The following FARP1 variants were observed in gnomAD, a reference collection of about 807,000 sequenced individuals.
The protein encoded by FARP1 is FERM, ARH/RhoGEF and pleckstrin domain protein 1, also known as FERM, ARHGEF and pleckstrin domain-containing protein 1.
A neutral mutation model predicts 128.8 loss-of-function variants in FARP1; 52 were observed. The ratio of observed to expected loss-of-function variants is 0.40; its 90% CI spans 0.32 to 0.51. The LOEUF is 0.51. Ranked by LOEUF, FARP1 falls within the 20% of genes least tolerant of loss-of-function variation. The pLI is 0.45. For missense variants in FARP1, 1,333 were observed against 1,367.9 expected (o/e 0.97, Z 0.40); for synonymous variants, 580 against 551.8 (o/e 1.05, Z -0.72).
chr13:98,341,975 A>T (rs1165204561), intron 2 of FARP1, among the ~76,000 whole-genome samples: 7 of 152,252 alleles, frequency 4.6e-5, no homozygotes, highest in Non-Finnish European at 8.8e-5. Flanking sequence ...AACTGGGGAC[A>T]TAGACACATA....
intron 2 of FARP1, among the ~76,000 whole-genome samples, chr13:98,330,214 G>C (rs1172635047): frequency 6.6e-6 from 1 of 152,088 alleles, no homozygotes; most frequent in African/African-American, 2.4e-5. Context: ...ATTTGGATAT[G>C]AGCTCAGGTA....
chr13:98,306,188 G>C (rs1886146982), intron 2 of FARP1, among the ~76,000 whole-genome samples: 1 of 152,220 alleles, frequency 6.6e-6, no homozygotes, highest in African/African-American at 2.4e-5. Flanking sequence ...AGTTTGCATT[G>C]TGTTGTTGGG....
chr13:98,325,353 C>G (rs60805092), intron 2 of FARP1, among the ~76,000 whole-genome samples: 2,178 of 152,200 alleles, frequency 0.014, 57 homozygotes, highest in African/African-American at 0.05. Flanking sequence ...TCACGGCTCT[C>G]TATCTCATAT....
rs1888453569 is a variant in FARP1 at position 98,351,989 on chromosome 13, A to G, written c.276+8123A>G. ...ATATCAGTGGTTAAAGAAAAAATAC[A>G]TAGAAATAATATGTTTCAAAATGGA... On this transcript the variant is annotated intron_variant, in intron 3 of 26. Coordinates refer to ENST00000319562, the MANE Select transcript of FARP1 (RefSeq NM_005766.4). 2.6e-5 allele frequency among the ~76,000 whole-genome samples: 4 copies of G among 152,218 alleles called. No homozygotes were observed. The South Asian group carries it at 6.2e-4, about 24-fold the overall frequency.
intron 2 of FARP1, among the ~76,000 whole-genome samples, chr13:98,260,868 C>G (rs1883845772): frequency 6.6e-6 from 1 of 152,164 alleles, no homozygotes; most frequent in Non-Finnish European, 1.5e-5. Context: ...ATACAAAGGC[C>G]AGGACACAAT....
At chr13:98,325,736 T>A (rs190701393) in intron 2 of FARP1, among the ~76,000 whole-genome samples, 151 of 152,366 alleles carry the variant, frequency 9.9e-4, no homozygotes, top group African/African-American at 3.4e-3. Context: ...TTGTAGCTTG[T>A]CCAGTTTGAT....
intron 2 of FARP1, among the ~76,000 whole-genome samples, chr13:98,238,521 C>T (rs1882573298): frequency 6.6e-6 from 1 of 152,180 alleles, no homozygotes; most frequent in African/African-American, 2.4e-5. Flanking sequence ...CGCAGTTCCA[C>T]ATGGGTGGGG....
chr13:98,256,901 TAAA>T (rs1883616258), intron 2 of FARP1, among the ~76,000 whole-genome samples: 1 of 115,410 alleles, frequency 8.7e-6, no homozygotes, highest in South Asian at 2.9e-4. Context: ...GGAACAATAA[TAAA>T]AAGAATGATA....
rs573456141 is a variant in FARP1, at chr13:98,327,646, A to G, written c.172-16116A>G. ...CTGATAAAGTCTTTCCCTCTTGTCC[A>G]TGGGGGATACATTCCAAGACCCCAG... On this transcript the variant is annotated intron_variant, in intron 2 of 26. Transcript: ENST00000319562. Among the ~76,000 whole-genome samples, 3 of 152,332 alleles carry G rather than the reference A, an allele frequency of 2.0e-5. No homozygotes were observed. The East Asian group carries it at 5.8e-4, about 29-fold the overall frequency.
intron 2 of FARP1, among the ~76,000 whole-genome samples, chr13:98,219,340 ATATT>A (rs1881277634): frequency 6.6e-6 from 1 of 151,618 alleles, no homozygotes; most frequent in Non-Finnish European, 1.5e-5. Flanking sequence ...GTCTTTGTCT[ATATT>A]TATTTATTAA....
chr13:98,176,374 G>C lies in FARP1; in HGVS notation c.-24+32882G>C, dbSNP rs540958770. On this transcript the variant is annotated intron_variant, in intron 1 of 26. Coordinates refer to ENST00000319562, the MANE Select transcript of FARP1 (RefSeq NM_005766.4). This position sits in a 1 kb window ranked among gnomAD's most constrained non-coding sequence, Gnocchi z 6.2. ...TGGCTGGTCACAGATGTAGCAGCGC[G>C]GGGTGGCCCGGAAGTGCTCCAGCGC... 12 of 1,614,200 alleles carry C rather than the reference G, an allele frequency of 7.4e-6. No individual in the cohort carries two copies. The highest frequency in any genetic ancestry group is 4.0e-5 in the African/African-American group (3 of 75,060).
At chr13:98,352,069 T>C (rs912841320) in intron 3 of FARP1, among the ~76,000 whole-genome samples, 1 of 152,036 alleles carries the variant, frequency 6.6e-6, no homozygotes, top group African/African-American at 2.4e-5. Context: ...TTAGATCTTC[T>C]CAAACCCAAG....
chr13:98,287,870 C>T (rs1183763498), intron 2 of FARP1, among the ~76,000 whole-genome samples: 5 of 147,154 alleles, frequency 3.4e-5, no homozygotes, highest in Admixed American at 6.9e-5. Context: ...GGCACGGTCT[C>T]GGCTCACTGC....
At chr13:98,153,549 A>AATATAAATTT (rs1876264383) in intron 1 of FARP1, among the ~76,000 whole-genome samples, 1 of 61,910 alleles carries the variant, frequency 1.6e-5, no homozygotes, top group Non-Finnish European at 3.2e-5. Context: ...AATATGTATA[A>AATATAAATTT]ATATATATTT....
intron 3 of FARP1, among the ~76,000 whole-genome samples, chr13:98,345,885 A>G (rs147689034): frequency 4.1e-4 from 62 of 152,376 alleles, no homozygotes; most frequent in Non-Finnish European, 6.2e-4. Context: ...TTCATATAAC[A>G]GGAAGCCATA....
intron 24 of FARP1, among the ~76,000 whole-genome samples, chr13:98,442,395 G>C (rs1250126598): frequency 6.6e-6 from 1 of 152,184 alleles, no homozygotes; most frequent in Non-Finnish European, 1.5e-5. Flanking sequence ...GCTACAAGCC[G>C]CTTGTTTCTA....
chr13:98,322,615 T>C (rs1333021805), intron 2 of FARP1, among the ~76,000 whole-genome samples: 1 of 152,160 alleles, frequency 6.6e-6, no homozygotes, highest in Non-Finnish European at 1.5e-5. Flanking sequence ...GACCCGGAGC[T>C]TACATGCTCC....
At chr13:98,447,156 C>A in intron 26 of FARP1, 1 of 213,062 alleles carries the variant, frequency 4.7e-6, no homozygotes. Flanking sequence ...CTTCATTTAG[C>A]CAAGAAAGAA....
intron 1 of FARP1, among the ~76,000 whole-genome samples, chr13:98,193,787 C>T (rs1566725533): frequency 6.6e-6 from 1 of 152,220 alleles, no homozygotes; most frequent in Non-Finnish European, 1.5e-5. Context: ...CCAGCCTAGA[C>T]ATCTGTCAAA....
Sources: allele counts gnomAD v4.1 joint callset (sites outside exome capture counted in the v4.1 genomes callset), GRCh38; gene constraint gnomAD v4.1.1; non-coding constraint Gnocchi (gnomAD v3.1); transcripts MANE v1.5; gene names NCBI Gene and HGNC (gene_info 2026-07-23, HGNC 2026-07-21).